LPP: variants seen among roughly 807,000 people sequenced by gnomAD.
The protein encoded by LPP is lipoma-preferred partner.
LPP carries 38 observed loss-of-function variants against 60.4 expected under a neutral mutation model. That is an observed-to-expected ratio of 0.63 (90% CI 0.49 to 0.83). The LOEUF (loss-of-function observed/expected upper bound fraction) is 0.83, where lower values mean the gene tolerates loss of function less well. Among genes scored for constraint, LPP ranks in the 40% least tolerant of loss-of-function variants. The pLI is 0.00. For missense variants in LPP, 902 were observed against 783.6 expected (o/e 1.15, Z -1.80); for synonymous variants, 328 against 290.8 (o/e 1.13, Z -1.30).
At chr3:188,864,010 G>A (rs1429952085) in intron 9 of LPP, among the ~76,000 whole-genome samples, 3 of 148,542 alleles carry the variant, frequency 2.0e-5, no homozygotes, top group East Asian at 3.9e-4. Flanking sequence ...CAAGTCCTGG[G>A]AAGACAATTT....
chr3:188,241,502 T>G (rs1237905258), intron 2 of LPP, among the ~76,000 whole-genome samples: 1 of 152,240 alleles, frequency 6.6e-6, no homozygotes, highest in Admixed American at 6.5e-5. Flanking sequence ...TGAAGGTTCA[T>G]TTATGTTGAT....
intron 9 of LPP, among the ~76,000 whole-genome samples, chr3:188,769,107 A>G (rs1735053832): frequency 6.6e-6 from 1 of 152,222 alleles, no homozygotes; most frequent in Non-Finnish European, 1.5e-5. Flanking sequence ...AATAAAAAAT[A>G]TAAAATATCT....
At chr3:188,225,019 A>G (rs1717211026) in intron 1 of LPP, among the ~76,000 whole-genome samples, 1 of 152,170 alleles carries the variant, frequency 6.6e-6, no homozygotes, top group Non-Finnish European at 1.5e-5. Flanking sequence ...AGTTCAAAGA[A>G]CATTAGGTCC....
intron 8 of LPP, among the ~76,000 whole-genome samples, chr3:188,722,674 T>C (rs1577200742): frequency 6.6e-6 from 1 of 152,220 alleles, no homozygotes; most frequent in East Asian, 1.9e-4. Context: ...CTTGTTTAGA[T>C]TAGCTCTTCT....
chr3:188,621,706 G>A (rs1845834754), intron 7 of LPP, among the ~76,000 whole-genome samples: 4 of 152,114 alleles, frequency 2.6e-5, no homozygotes, highest in African/African-American at 9.6e-5. Context: ...TGTCGCCCAG[G>A]CTGGATTGCA....
chr3:188,412,211 T>G (rs903006692), intron 4 of LPP, among the ~76,000 whole-genome samples: 2 of 152,048 alleles, frequency 1.3e-5, no homozygotes, highest in Non-Finnish European at 2.9e-5. Context: ...CTCACTCTTT[T>G]TCTTTCTCCC....
chr3:188,206,819 T>C (rs1421829986), intron 1 of LPP, among the ~76,000 whole-genome samples: 1 of 152,180 alleles, frequency 6.6e-6, no homozygotes, highest in African/African-American at 2.4e-5. Flanking sequence ...CCTTTAAGCT[T>C]TTGTTTTCTC....
chr3:188,666,315 G>A (rs751866394), intron 7 of LPP, among the ~76,000 whole-genome samples: 8 of 152,116 alleles, frequency 5.3e-5, no homozygotes, highest in Non-Finnish European at 8.8e-5. Flanking sequence ...AGCCAGTGAC[G>A]CTCTATAGTA....
intron 3 of LPP, among the ~76,000 whole-genome samples, chr3:188,372,881 C>T (rs568457079): frequency 3.3e-5 from 5 of 151,898 alleles, no homozygotes; most frequent in African/African-American, 9.7e-5. Context: ...CAACAGGCCC[C>T]GGTGTGTGAT....
At chr3:188,214,489 G>C (rs1712706032) in intron 1 of LPP, among the ~76,000 whole-genome samples, 1 of 152,150 alleles carries the variant, frequency 6.6e-6, no homozygotes, top group African/African-American at 2.4e-5. Flanking sequence ...AATATGTTTT[G>C]GGGAAGCATT....
rs746059794 is a variant in LPP at position 188,352,830 on chromosome 3, T to G, written c.-10+11111T>G. Among the ~76,000 whole-genome samples the G allele has an allele frequency of 1.8e-4, 28 of 152,154 alleles. No homozygotes were observed. Among genetic ancestry groups the G allele is most frequent in the Non-Finnish European group, 3.8e-4 (26 of 68,026 alleles). ...GGTGAAGACACGGAGAGTAACTCAGTGCAGAGGCAGCGACGGGAAAGTGAA... is the reference window on the plus strand; with the variant it reads ...GGTGAAGACACGGAGAGTAACTCAGGGCAGAGGCAGCGACGGGAAAGTGAA... On this transcript the variant is annotated intron_variant, in intron 3 of 11. Coordinates refer to ENST00000617246, the MANE Select transcript of LPP (RefSeq NM_001375462.1). The surrounding 1 kb of genome is among the most constrained non-coding windows in gnomAD (Gnocchi z 4.4).
intron 8 of LPP, chr3:188,725,583 TAAG>T (rs1259887147): frequency 2.6e-5 from 4 of 152,182 alleles, no homozygotes; most frequent in Admixed American, 6.5e-5. Flanking sequence ...ATGCTCTAAA[TAAG>T]AAGGATAAGG....
At chr3:188,628,719 C>G (rs1302987421) in intron 7 of LPP, among the ~76,000 whole-genome samples, 1 of 151,982 alleles carries the variant, frequency 6.6e-6, no homozygotes, top group Non-Finnish European at 1.5e-5. Context: ...TTCCAAAAAT[C>G]GAGGAGGAGG....
At chr3:188,608,475 T>C (rs1055330172) in intron 6 of LPP, among the ~76,000 whole-genome samples, 5 of 151,342 alleles carry the variant, frequency 3.3e-5, no homozygotes, top group Admixed American at 3.3e-4. Context: ...CAAAAATCAA[T>C]TGACTGTATA....
intron 5 of LPP, among the ~76,000 whole-genome samples, chr3:188,509,675 TTCCTTCCTTC>T (rs1328477296): frequency 0.15 from 8,774 of 59,954 alleles, 842 homozygotes; most frequent in East Asian, 0.24. Context: ...CCTTCCTTCC[TTCCTTCCTTC>T]CTCTCTCTCT....
At chr3:188,796,722 A>G (rs1410360302) in intron 9 of LPP, among the ~76,000 whole-genome samples, 1 of 152,206 alleles carries the variant, frequency 6.6e-6, no homozygotes, top group Non-Finnish European at 1.5e-5. Context: ...ATTTAGTAGA[A>G]AGACACATTG....
At chr3:188,621,502 A>T (rs1053975740) in intron 7 of LPP, among the ~76,000 whole-genome samples, 1 of 152,084 alleles carries the variant, frequency 6.6e-6, no homozygotes, top group Non-Finnish European at 1.5e-5. Flanking sequence ...ACATGATTTC[A>T]TGATTTTTTT....
At chr3:188,318,410 C>CA (rs1158075590) in intron 2 of LPP, among the ~76,000 whole-genome samples, 21 of 107,494 alleles carry the variant, frequency 2.0e-4, no homozygotes, top group Non-Finnish European at 2.8e-4. Context: ...CTAGGATTTC[C>CA]AAAAAAACAA....
Position 188,646,845 on chromosome 3 carries a change from T to C in LPP, c.1113+37001T>C, listed in dbSNP as rs149013754. On this transcript the variant is annotated intron_variant, in intron 7 of 11. Coordinates refer to ENST00000617246, the MANE Select transcript of LPP (RefSeq NM_001375462.1). ...TAAACCGAACAAATCATCAGGAAGC[T>C]ATAAAAGGAACAAACAAATACAGTC... 4.6e-5 allele frequency among the ~76,000 whole-genome samples: 7 copies of C among 152,304 alleles called. No individual in the cohort carries two copies. The East Asian group carries it at 1.4e-3, about 29-fold the overall frequency.
Sources: allele counts gnomAD v4.1 joint callset (sites outside exome capture counted in the v4.1 genomes callset), GRCh38; gene constraint gnomAD v4.1.1; non-coding constraint Gnocchi (gnomAD v3.1); transcripts MANE v1.5; gene names NCBI Gene and HGNC (gene_info 2026-07-23, HGNC 2026-07-21).